The following FAM184A variants were observed in gnomAD, a reference collection of about 807,000 sequenced individuals.
The protein encoded by FAM184A is family with sequence similarity 184 member A.
A neutral mutation model predicts 143.8 loss-of-function variants in FAM184A; 99 were observed. The observed-to-expected ratio is 0.69, with a 90% CI of 0.58 to 0.81. The LOEUF is 0.81. Among genes scored for constraint, FAM184A ranks in the 40% least tolerant of loss-of-function variants. The pLI is 0.00. For missense variants in FAM184A, 1,217 were observed against 1,310.5 expected (o/e 0.93, Z 1.10); for synonymous variants, 427 against 446.4 (o/e 0.96, Z 0.55).
At chr6:118,994,190 A>C (rs1784469042) in intron 9 of FAM184A, among the ~76,000 whole-genome samples, 1 of 152,250 alleles carries the variant, frequency 6.6e-6, no homozygotes, top group Admixed American at 6.5e-5. Flanking sequence ...CCAGGAAGGC[A>C]AAGATCACTC....
chr6:119,074,433 A>G (rs1283633343), intron 1 of FAM184A, among the ~76,000 whole-genome samples: 1 of 152,196 alleles, frequency 6.6e-6, no homozygotes, highest in African/African-American at 2.4e-5. Flanking sequence ...GGTACTGGGC[A>G]TTTTAATTTT....
intron 1 of FAM184A, among the ~76,000 whole-genome samples, chr6:119,073,867 C>A (rs1431549740): frequency 6.6e-6 from 1 of 152,226 alleles, no homozygotes; most frequent in Non-Finnish European, 1.5e-5. Flanking sequence ...AGAATGAGTG[C>A]TCCCTATGTG....
intron 1 of FAM184A, among the ~76,000 whole-genome samples, chr6:119,051,420 G>T (rs1786761023): frequency 1.3e-5 from 2 of 152,028 alleles, no homozygotes; most frequent in South Asian, 4.1e-4. Flanking sequence ...AAGGAGGGAT[G>T]GTTAATGGGT....
chr6:119,047,448 C>T (rs4946389), intron 1 of FAM184A, among the ~76,000 whole-genome samples: 101,729 of 152,100 alleles, frequency 0.67, 35,940 homozygotes, highest in South Asian at 0.79. Context: ...GTTGCAGCAC[C>T]GGTTATAATA....
At chr6:118,978,614 C>A (rs774093246) in intron 11 of FAM184A, among the ~76,000 whole-genome samples, 1 of 152,140 alleles carries the variant, frequency 6.6e-6, no homozygotes, top group African/African-American at 2.4e-5. Context: ...GGACTCCCAG[C>A]AACATTATCG....
chr6:118,966,415 G>A (rs899828468), intron 15 of FAM184A, among the ~76,000 whole-genome samples: 20 of 152,052 alleles, frequency 1.3e-4, no homozygotes, highest in Admixed American at 7.2e-4. Flanking sequence ...TGTTTGCTAG[G>A]ACACATTTTA....
intron 5 of FAM184A, among the ~76,000 whole-genome samples, chr6:119,014,557 A>G (rs2114666774): frequency 6.6e-6 from 1 of 152,354 alleles, no homozygotes; most frequent in Admixed American, 6.5e-5. Context: ...CATACTTTCA[A>G]CTAGTTGAGG....
intron 1 of FAM184A, among the ~76,000 whole-genome samples, chr6:119,140,767 G>T (rs571747051): frequency 1.3e-5 from 2 of 152,314 alleles, no homozygotes; most frequent in South Asian, 4.1e-4. Flanking sequence ...GCGAGGGAGG[G>T]TCTCTCTTTC....
At chr6:119,132,886 A>T (rs1385119302) in intron 1 of FAM184A, among the ~76,000 whole-genome samples, 3 of 152,222 alleles carry the variant, frequency 2.0e-5, no homozygotes, top group African/African-American at 7.2e-5. Context: ...GTTGACTGGG[A>T]TGCAGATGTT....
chr6:119,123,678 G>C (rs1239189669), intron 1 of FAM184A, among the ~76,000 whole-genome samples: 1 of 152,158 alleles, frequency 6.6e-6, no homozygotes, highest in Non-Finnish European at 1.5e-5. Context: ...CCTTGGCAAA[G>C]AGATGATCCA....
chr6:119,027,982 G>A (rs893460617), intron 1 of FAM184A, among the ~76,000 whole-genome samples: 1 of 152,148 alleles, frequency 6.6e-6, no homozygotes, highest in African/African-American at 2.4e-5. Flanking sequence ...CCATCTGTGA[G>A]TGCCCCCCAC....
intron 8 of FAM184A, 53 bp from the exon 9 acceptor site, chr6:119,003,102 A>C: frequency 1.3e-6 from 2 of 1,481,674 alleles, no homozygotes; most frequent in Non-Finnish European, 1.8e-6. Flanking sequence ...CCTTTCACTG[A>C]CTGTAATAGA....
At chr6:119,131,197 A>T (rs1789525528) in intron 1 of FAM184A, among the ~76,000 whole-genome samples, 1 of 152,298 alleles carries the variant, frequency 6.6e-6, no homozygotes, top group East Asian at 1.9e-4. Flanking sequence ...TTCCTAAATC[A>T]AAGGTGGAAG....
At chr6:119,064,996 A>G (rs1449651839) in intron 1 of FAM184A, among the ~76,000 whole-genome samples, 1 of 152,152 alleles carries the variant, frequency 6.6e-6, no homozygotes. Flanking sequence ...CTAGATGTAC[A>G]TGGCCAACTA....
intron 1 of FAM184A, among the ~76,000 whole-genome samples, chr6:119,132,295 C>T (rs1341771509): frequency 6.6e-6 from 1 of 152,224 alleles, no homozygotes; most frequent in Non-Finnish European, 1.5e-5. Context: ...CTGCCCCTTT[C>T]TGCTAAGAGT....
intron 7 of FAM184A, chr6:119,005,975 C>T (rs1784904736): frequency 3.2e-6 from 2 of 619,076 alleles, no homozygotes; most frequent in Admixed American, 2.2e-5. Context: ...AAAAGATATA[C>T]CGAAGTCCTA....
chr6:118,974,883 C>T (rs1783801188), intron 13 of FAM184A, 141 bp downstream of exon 13: 1 of 621,992 alleles, frequency 1.6e-6, no homozygotes, highest in Non-Finnish European at 2.8e-6. Flanking sequence ...ATAACATAGT[C>T]ATCAAATAAA....
At chr6:119,136,485 G>C (rs1789670235) in intron 1 of FAM184A, among the ~76,000 whole-genome samples, 1 of 152,122 alleles carries the variant, frequency 6.6e-6, no homozygotes, top group South Asian at 2.1e-4. Context: ...AGATTTGATA[G>C]ACCCATGTGT....
chr6:119,014,268 CT>C (rs1444065394), intron 5 of FAM184A, among the ~76,000 whole-genome samples: 3 of 152,222 alleles, frequency 2.0e-5, no homozygotes, highest in African/African-American at 7.2e-5. Context: ...GTACTCAACA[CT>C]TTATCTGACT....
Sources: gnomAD v4.1 joint callset for allele counts (sites outside exome capture counted in the v4.1 genomes callset) on GRCh38, gnomAD v4.1.1 for gene constraint, MANE v1.5 for transcripts, NCBI Gene and HGNC (gene_info 2026-07-23, HGNC 2026-07-21) for gene names.